MSRA: variants seen among roughly 807,000 people sequenced by gnomAD.
MSRA encodes mitochondrial peptide methionine sulfoxide reductase.
Under a neutral mutation model 31.3 loss-of-function variants are expected in MSRA, and 54 were observed. The observed-to-expected ratio is 1.73, with a 90% CI of 1.39 to 2.17. The LOEUF (loss-of-function observed/expected upper bound fraction) is 2.17. Ranked by LOEUF, MSRA falls within the 30% of genes most tolerant of loss-of-function variation. MSRA has a pLI of 0.00. For missense variants in MSRA, 507 were observed against 300.9 expected, an observed-to-expected ratio of 1.69 and a Z score of -5.07; for synonymous variants, 169 against 116.5, an observed-to-expected ratio of 1.45 and a Z score of -2.90.
At chr8:10,323,374 T>C (rs974259446) in intron 5 of MSRA, among the ~76,000 whole-genome samples, 5 of 151,616 alleles carry the variant, frequency 3.3e-5, no homozygotes, top group African/African-American at 9.7e-5. Flanking sequence ...CCAAGAGTAA[T>C]ACCAAGCGAC....
At chr8:10,140,622 G>C (rs559628706) in intron 1 of MSRA, among the ~76,000 whole-genome samples, 1 of 152,124 alleles carries the variant, frequency 6.6e-6, no homozygotes, top group East Asian at 1.9e-4. Flanking sequence ...ATAATTTCTC[G>C]GTTTCTCTAT....
intron 3 of MSRA, among the ~76,000 whole-genome samples, chr8:10,276,665 A>C (rs533721988): frequency 1.7e-4 from 26 of 152,356 alleles, no homozygotes; most frequent in African/African-American, 4.1e-4. Context: ...AAGACAACAG[A>C]AAGTTAGGTT....
intron 1 of MSRA, among the ~76,000 whole-genome samples, chr8:10,186,696 C>T (rs1458198219): frequency 6.6e-6 from 1 of 152,100 alleles, no homozygotes; most frequent in Non-Finnish European, 1.5e-5. Flanking sequence ...TTTGTTGCCT[C>T]CTAAAGGGAT....
chr8:10,272,513 C>T (rs117576617), intron 3 of MSRA, among the ~76,000 whole-genome samples: 1,984 of 152,306 alleles, frequency 0.013, 22 homozygotes, highest in Admixed American at 0.029. Context: ...TGGGTGAGGA[C>T]CATCCACATC....
chr8:10,085,936 T>C lies in MSRA; in HGVS notation c.142+31278T>C, dbSNP rs199723602. On this transcript the variant is annotated intron_variant, in intron 1 of 5. Transcript: ENST00000317173. Reference sequence around the variant, plus strand: ...ACTTACTAGTAATTGTTTCATTTTATTCCTTAGTGGCAGCAGATAGACCTT... The same window carrying C: ...ACTTACTAGTAATTGTTTCATTTTACTCCTTAGTGGCAGCAGATAGACCTT... 2.0e-5 allele frequency among the ~76,000 whole-genome samples: 3 copies of C among 152,350 alleles called. No homozygotes were observed. In the East Asian group the frequency reaches 5.8e-4, roughly 29 times the overall value.
At chr8:10,371,605 G>A (rs1361307671) in intron 5 of MSRA, among the ~76,000 whole-genome samples, 1 of 152,088 alleles carries the variant, frequency 6.6e-6, no homozygotes, top group Non-Finnish European at 1.5e-5. Flanking sequence ...GGATCCCTTA[G>A]CATGGCATGC....
chr8:10,098,335 G>C (rs4841278), intron 1 of MSRA, among the ~76,000 whole-genome samples: 150,788 of 152,286 alleles, frequency 0.99, 74,658 homozygotes, highest in Middle Eastern at 1. Context: ...TACTTGATAC[G>C]TATTATTAAA....
At chr8:10,189,441 G>T (rs1019430203) in intron 1 of MSRA, among the ~76,000 whole-genome samples, 2 of 152,144 alleles carry the variant, frequency 1.3e-5, no homozygotes, top group African/African-American at 2.4e-5. Context: ...GGCTGAGAAC[G>T]TTCGGTCTGT....
intron 5 of MSRA, among the ~76,000 whole-genome samples, chr8:10,412,692 A>G (rs897276443): frequency 6.6e-5 from 10 of 152,368 alleles, no homozygotes; most frequent in African/African-American, 2.4e-4. Flanking sequence ...CTTTGTATAC[A>G]GAAGGCAAAT....
chr8:10,249,445 C>G (rs1371217902), intron 3 of MSRA, among the ~76,000 whole-genome samples: 1 of 152,186 alleles, frequency 6.6e-6, no homozygotes, highest in Non-Finnish European at 1.5e-5. Flanking sequence ...TGGAGATTTC[C>G]TATCCCTTGC....
intron 3 of MSRA, among the ~76,000 whole-genome samples, chr8:10,249,888 A>G (rs1475123806): frequency 6.6e-6 from 1 of 152,224 alleles, no homozygotes; most frequent in African/African-American, 2.4e-5. Flanking sequence ...TGGAATAGCC[A>G]TGAGGAGCCT....
At chr8:10,366,709 C>T (rs1297250804) in intron 5 of MSRA, among the ~76,000 whole-genome samples, 1 of 152,196 alleles carries the variant, frequency 6.6e-6, no homozygotes, top group Non-Finnish European at 1.5e-5. Context: ...GACGTCTGTC[C>T]ATCCTGCTAG....
intron 1 of MSRA, among the ~76,000 whole-genome samples, chr8:10,093,822 G>T (rs1422293207): frequency 6.6e-6 from 1 of 152,146 alleles, no homozygotes; most frequent in East Asian, 1.9e-4. Context: ...AATGAACTCT[G>T]TTTTTATTTG....
intron 1 of MSRA, among the ~76,000 whole-genome samples, chr8:10,206,925 G>C (rs1809038841): frequency 6.6e-6 from 1 of 152,192 alleles, no homozygotes; most frequent in African/African-American, 2.4e-5. Context: ...CGTGGCTTCA[G>C]TGCTGAGCCC....
intron 1 of MSRA, among the ~76,000 whole-genome samples, chr8:10,125,479 C>A (rs1244246372): frequency 6.6e-6 from 1 of 152,146 alleles, no homozygotes; most frequent in Non-Finnish European, 1.5e-5. Flanking sequence ...GTACCAGGGC[C>A]AGAGGGAGTC....
At chr8:10,141,959 TTTTG>T (rs780310814) in intron 1 of MSRA, among the ~76,000 whole-genome samples, 4 of 152,092 alleles carry the variant, frequency 2.6e-5, no homozygotes, top group African/African-American at 4.8e-5. Context: ...TTCAGGATTT[TTTTG>T]TTTGTTTGTT....
In MSRA at chr8:10,428,181, A is replaced by G. The variant is rs751342323; in HGVS notation, c.577A>G (p.Thr193Ala). 8 of 1,613,944 alleles carry G rather than the reference A, an allele frequency of 5.0e-6. No individual in the cohort carries two copies. Among genetic ancestry groups the G allele is most frequent in the South Asian group, 3.3e-5 (3 of 91,060 alleles). The stretch of plus-strand genomic sequence containing the variant: ...AGAGCACGGCTTCGGCCCCATCACT[A>G]CCGACATCCGGGAGGGACAGACTTT... ...LSEHGFGPIT[T>A]DIREGQTFYY... Residue 193 changes from threonine (T) to alanine (A), a missense_variant, in exon 6 of 6, where the codon ACC (threonine) becomes GCC (alanine). Transcript: ENST00000317173.
intron 1 of MSRA, among the ~76,000 whole-genome samples, chr8:10,079,671 C>T (rs1281552795): frequency 1.3e-5 from 2 of 152,156 alleles, no homozygotes; most frequent in African/African-American, 2.4e-5. Context: ...CTTAGTCCTT[C>T]ATATTTGGTG....
rs1014598190 is a variant in MSRA, at chr8:10,095,688, G to A, written c.142+41030G>A. ...GGCTTGAGCTTCAGGAAAGAAAACC[G>A]TCCTGGGGTACAGAAAAACTCAGAA... On this transcript the variant is annotated intron_variant, in intron 1 of 5. Coordinates refer to ENST00000317173, the MANE Select transcript of MSRA (RefSeq NM_012331.5). 2.2e-5 allele frequency: 23 copies of A among 1,023,448 alleles called. No homozygotes were observed. In the East Asian group the frequency reaches 2.5e-4, roughly 11 times the overall value. 63.4% of individuals were successfully genotyped at this position (1,023,448 alleles called of 1,614,324 possible).
Sources: gnomAD v4.1 joint callset for allele counts (sites outside exome capture counted in the v4.1 genomes callset) on GRCh38, gnomAD v4.1.1 for gene constraint, MANE v1.5 for transcripts, NCBI Gene and HGNC (gene_info 2026-07-23, HGNC 2026-07-21) for gene names.